The following PRKDC variants were observed in gnomAD, a reference collection of about 807,000 sequenced individuals.
The protein encoded by PRKDC is DNA-dependent protein kinase catalytic subunit.
Under a neutral mutation model 486.9 loss-of-function variants are expected in PRKDC, and 82 were observed. The ratio of observed to expected loss-of-function variants is 0.17; its 90% CI spans 0.14 to 0.20. The LOEUF (loss-of-function observed/expected upper bound fraction) is 0.20, where lower values mean the gene tolerates loss of function less well. Among genes scored for constraint, PRKDC ranks in the 10% least tolerant of loss-of-function variants. The probability of loss-of-function intolerance (pLI) is 1.00; values close to 1 mark genes in which losing one functional copy is unlikely to be tolerated. For missense variants in PRKDC, 4,504 were observed against 5,038.2 expected, an observed-to-expected ratio of 0.89 and a Z score of 3.21; for synonymous variants, 1,895 against 1,837.0, an observed-to-expected ratio of 1.03 and a Z score of -0.81.
rs753541454 is a variant in PRKDC, at chr8:47,831,915, G to C, written c.8164C>G (p.Arg2722Gly). Residue 2722 changes from arginine (R) to glycine (G), a missense_variant, in exon 60 of 86, where the codon CGG (arginine) becomes GGG (glycine). By Grantham distance (125) the Arg-to-Gly change is moderately radical (BLOSUM62 -2). Coordinates refer to ENST00000314191, the MANE Select transcript of PRKDC (RefSeq NM_006904.7). Reference sequence around the variant, plus strand: ...CTGCGCAGTCGTAGTAGGTCCGTCCGGCCGGCCGCACCTGGAGAGGGAAAG... The same window carrying C: ...CTGCGCAGTCGTAGTAGGTCCGTCCCGCCGGCCGCACCTGGAGAGGGAAAG... ...VDNKVKGAAG[R>G]TDLLRLRRRF... 1.2e-6 allele frequency: 2 copies of C among 1,612,258 alleles called. No individual in the cohort carries two copies. Among genetic ancestry groups the C allele is most frequent in the Admixed American group, 1.7e-5 (1 of 59,948 alleles).
intron 1 of PRKDC, 147 bp downstream of exon 1, chr8:47,959,826 T>C (rs1050418482): frequency 5.1e-6 from 7 of 1,371,768 alleles, no homozygotes; most frequent in Non-Finnish European, 6.7e-6. Context: ...AATCCCTTTA[T>C]ACACATACAC....
intron 12 of PRKDC, 148 bp downstream of exon 12, chr8:47,936,205 A>T (rs2090348695): frequency 1.1e-6 from 1 of 903,932 alleles, no homozygotes; most frequent in Non-Finnish European, 1.6e-6. Flanking sequence ...GAGTTTCATG[A>T]CAATAATTCT....
At chr8:47,811,081 G>A (rs1016507820) in intron 68 of PRKDC, among the ~76,000 whole-genome samples, 3 of 152,192 alleles carry the variant, frequency 2.0e-5, no homozygotes, top group African/African-American at 7.2e-5. Flanking sequence ...AAGAAGGTAA[G>A]TGAACTTCAG....
At chr8:47,859,517 G>A in intron 46 of PRKDC, 94 bp downstream of exon 46, 1 of 1,407,668 alleles carries the variant, frequency 7.1e-7, no homozygotes, top group Non-Finnish European at 9.7e-7. Context: ...AATGGACAGA[G>A]AACTGGCTTC....
At position 47,935,059 on chromosome 8, in the gene PRKDC, C is replaced by A; in HGVS notation, c.1448-1G>T. ...CATATTCTGATTAAACCCTGATGCA[C>A]TGAAAAAAGAAAAAGAAAACAAAAA... On this transcript the variant is annotated splice_acceptor_variant, in intron 13 of 85. Coordinates refer to ENST00000314191, the MANE Select transcript of PRKDC (RefSeq NM_006904.7). LOFTEE classifies it high-confidence loss of function. The A allele has an allele frequency of 1.3e-6, 2 of 1,489,964 alleles. No individual in the cohort carries two copies. The highest frequency in any genetic ancestry group is 1.8e-6 in the Non-Finnish European group (2 of 1,112,198). 92.3% of individuals were successfully genotyped at this position (1,489,964 alleles called of 1,614,324 possible).
At chr8:47,778,829 AG>A in intron 81 of PRKDC, 30 bp from the exon 82 acceptor site, 1 of 1,584,796 alleles carries the variant, frequency 6.3e-7, no homozygotes, top group Non-Finnish European at 8.6e-7. Context: ...ACATCTAATT[AG>A]AAAAAATTTC....
intron 68 of PRKDC, among the ~76,000 whole-genome samples, chr8:47,812,735 C>T (rs957977179): frequency 4.6e-5 from 7 of 151,742 alleles, no homozygotes; most frequent in South Asian, 2.1e-4. Context: ...ATAGTAAAGA[C>T]GATACTAGAA....
intron 80 of PRKDC, among the ~76,000 whole-genome samples, chr8:47,780,792 G>T (rs912928115): frequency 5.3e-5 from 8 of 152,094 alleles, no homozygotes; most frequent in Admixed American, 2.0e-4. Flanking sequence ...ACAAAAATTA[G>T]CTGGGCATGG....
intron 40 of PRKDC, among the ~76,000 whole-genome samples, chr8:47,871,636 T>C (rs969465037): frequency 1.3e-5 from 2 of 152,232 alleles, no homozygotes; most frequent in African/African-American, 2.4e-5. Context: ...TTCGCTCTTC[T>C]TGCCCAGGCT....
intron 26 of PRKDC, among the ~76,000 whole-genome samples, chr8:47,904,336 C>T (rs1313846030): frequency 6.6e-6 from 1 of 152,180 alleles, no homozygotes; most frequent in Non-Finnish European, 1.5e-5. Flanking sequence ...CTCACTGCAA[C>T]CTTTGTCTCC....
intron 23 of PRKDC, among the ~76,000 whole-genome samples, chr8:47,914,501 G>T (rs1284014439): frequency 6.6e-6 from 1 of 151,986 alleles, no homozygotes; most frequent in East Asian, 1.9e-4. Context: ...CAAAAATGTA[G>T]ACTTTTGGCC....
At chr8:47,794,782 T>C (rs1157466094) in intron 73 of PRKDC, among the ~76,000 whole-genome samples, 1 of 152,230 alleles carries the variant, frequency 6.6e-6, no homozygotes, top group Admixed American at 6.5e-5. Flanking sequence ...ACTTCATTCC[T>C]CCTGGCGGCT....
At chr8:47,874,887 T>C (rs1264101731) in intron 40 of PRKDC, among the ~76,000 whole-genome samples, 1 of 152,102 alleles carries the variant, frequency 6.6e-6, no homozygotes, top group Non-Finnish European at 1.5e-5. Context: ...AAACCCTGTG[T>C]GTATATAAAA....
At chr8:47,781,948 C>A (rs534985530) in intron 80 of PRKDC, among the ~76,000 whole-genome samples, 1 of 152,328 alleles carries the variant, frequency 6.6e-6, no homozygotes, top group South Asian at 2.1e-4. Flanking sequence ...AATTTTTCTT[C>A]CCCCCACCCA....
At chr8:47,816,305 T>C (rs1189864196) in intron 68 of PRKDC, among the ~76,000 whole-genome samples, 1 of 152,046 alleles carries the variant, frequency 6.6e-6, no homozygotes, top group Non-Finnish European at 1.5e-5. Flanking sequence ...ACAGATCACC[T>C]GAGTCCCACC....
intron 46 of PRKDC, among the ~76,000 whole-genome samples, chr8:47,859,196 C>G (rs2088616640): frequency 6.6e-6 from 1 of 152,194 alleles, no homozygotes; most frequent in African/African-American, 2.4e-5. Flanking sequence ...ACATAGTCCC[C>G]GTCCCGTCTG....
At chr8:47,884,769 T>G (rs1311784255) in intron 36 of PRKDC, among the ~76,000 whole-genome samples, 1 of 152,234 alleles carries the variant, frequency 6.6e-6, no homozygotes, top group African/African-American at 2.4e-5. Flanking sequence ...TATCAACAGT[T>G]AACAGTTTCT....
In PRKDC at chr8:47,926,360, T is replaced by G. The variant is rs78762687; in HGVS notation, c.2419+834A>C. ...GAAAAAGGAGACACAGTGCATGAAA[T>G]CTGTCACACAACTTTCACTTAATGT... On this transcript the variant is annotated intron_variant, in intron 21 of 85. Transcript: ENST00000314191. Among the ~76,000 whole-genome samples, 1,611 of 152,286 alleles carry G rather than the reference T, an allele frequency of 0.011. 60 individuals are homozygous for G. In the East Asian group the frequency reaches 0.13, roughly 12 times the overall value.
intron 85 of PRKDC, 85 bp from the exon 86 acceptor site, chr8:47,774,462 A>G (rs2086570667): frequency 1.6e-6 from 2 of 1,252,696 alleles, no homozygotes. Context: ...ATCCAAACAC[A>G]TTCCCCACGT....
Sources: allele counts gnomAD v4.1 joint callset (sites outside exome capture counted in the v4.1 genomes callset), GRCh38; gene constraint gnomAD v4.1.1; transcripts MANE v1.5; gene names NCBI Gene and HGNC (gene_info 2026-07-23, HGNC 2026-07-21).